CNTNAP2: variants seen among roughly 807,000 people sequenced by gnomAD.
CNTNAP2 encodes the protein contactin-associated protein-like 2.
A neutral mutation model predicts 155.2 loss-of-function variants in CNTNAP2; 98 were observed. The observed-to-expected ratio is 0.63, with a 90% confidence interval of 0.54 to 0.75. The LOEUF is 0.75. Ranked by LOEUF, CNTNAP2 falls within the 30% of genes least tolerant of loss-of-function variation. The pLI is 0.00. For synonymous variants in CNTNAP2, 651 were observed against 631.2 expected (o/e 1.03, Z -0.47); for missense variants, 1,727 against 1,688.1 (o/e 1.02, Z -0.40).
At chr7:147,893,918 C>T (rs1314543692) in intron 13 of CNTNAP2, among the ~76,000 whole-genome samples, 1 of 152,094 alleles carries the variant, frequency 6.6e-6, no homozygotes, top group Non-Finnish European at 1.5e-5. Flanking sequence ...GGAGGGGTTC[C>T]CATCAGGTTT....
chr7:146,506,492 A>C (rs1407168611), intron 1 of CNTNAP2, among the ~76,000 whole-genome samples: 1 of 152,044 alleles, frequency 6.6e-6, no homozygotes, highest in African/African-American at 2.4e-5. Context: ...GTAGGTGCTG[A>C]CTCCAACCAC....
At chr7:146,721,660 A>G (rs1801323174) in intron 1 of CNTNAP2, among the ~76,000 whole-genome samples, 1 of 106,064 alleles carries the variant, frequency 9.4e-6, no homozygotes, top group South Asian at 2.3e-4. Context: ...TATTCTATAT[A>G]CATTCTATAT....
chr7:147,155,346 A>G (rs993488835), intron 8 of CNTNAP2, among the ~76,000 whole-genome samples: 3 of 152,154 alleles, frequency 2.0e-5, no homozygotes, highest in Non-Finnish European at 4.4e-5. Flanking sequence ...AGAAATAAGT[A>G]TCTGTTGTTT....
intron 8 of CNTNAP2, among the ~76,000 whole-genome samples, chr7:147,232,670 T>C (rs189662001): frequency 6.6e-6 from 1 of 152,348 alleles, no homozygotes. Context: ...TTATCCAATG[T>C]AAAAAATTAA....
At chr7:148,081,424 G>A (rs1323376432) in intron 15 of CNTNAP2, among the ~76,000 whole-genome samples, 2 of 151,944 alleles carry the variant, frequency 1.3e-5, no homozygotes, top group African/African-American at 2.4e-5. Context: ...CCATCTAATC[G>A]GCTGCCAGCA....
At chr7:147,333,511 TTCTA>T (rs1401046626) in intron 9 of CNTNAP2, among the ~76,000 whole-genome samples, 2 of 152,174 alleles carry the variant, frequency 1.3e-5, no homozygotes, top group African/African-American at 2.4e-5. Flanking sequence ...TTAAACAACT[TTCTA>T]TAATAAAAGA....
chr7:148,262,679 A>G (rs949401977), intron 20 of CNTNAP2, among the ~76,000 whole-genome samples: 4 of 152,234 alleles, frequency 2.6e-5, no homozygotes, highest in African/African-American at 7.2e-5. Flanking sequence ...CAGGGAATCC[A>G]GGAGAATTCC....
At chr7:146,540,845 A>G (rs1797942422) in intron 1 of CNTNAP2, among the ~76,000 whole-genome samples, 2 of 152,098 alleles carry the variant, frequency 1.3e-5, no homozygotes, top group Admixed American at 6.6e-5. Flanking sequence ...TGTTGTCATT[A>G]CAGAATGCGT....
At chr7:148,408,850 A>G (rs1399635793) in intron 22 of CNTNAP2, among the ~76,000 whole-genome samples, 1 of 152,226 alleles carries the variant, frequency 6.6e-6, no homozygotes, top group Non-Finnish European at 1.5e-5. Flanking sequence ...AAAATTCACT[A>G]GGCAGTTAAT....
chr7:147,964,166 T>A (rs1217753382), intron 14 of CNTNAP2, among the ~76,000 whole-genome samples: 1 of 152,110 alleles, frequency 6.6e-6, no homozygotes, highest in Non-Finnish European at 1.5e-5. Context: ...AAAGGCCATA[T>A]GAGGACACGG....
chr7:147,109,320 G>C (rs1233898337), intron 5 of CNTNAP2, among the ~76,000 whole-genome samples: 2 of 152,094 alleles, frequency 1.3e-5, no homozygotes, highest in Non-Finnish European at 1.5e-5. Flanking sequence ...AGCCTAAGAA[G>C]AAAAGAGTAG....
chr7:146,285,093 C>T (rs960611144), intron 1 of CNTNAP2, among the ~76,000 whole-genome samples: 2 of 152,072 alleles, frequency 1.3e-5, no homozygotes, highest in Admixed American at 1.3e-4. Context: ...TAACTTGTTT[C>T]CCTGTAATAG....
intron 1 of CNTNAP2, among the ~76,000 whole-genome samples, chr7:146,622,275 CTATCTATA>C (rs1223460370): frequency 0.012 from 978 of 84,434 alleles, 11 homozygotes; most frequent in African/African-American, 0.059. Context: ...ATCTATCTAT[CTATCTATA>C]TATATATATG....
At chr7:147,527,267 C>T (rs767199569) in intron 11 of CNTNAP2, among the ~76,000 whole-genome samples, 4 of 151,936 alleles carry the variant, frequency 2.6e-5, no homozygotes, top group Non-Finnish European at 5.9e-5. Context: ...TTGTGATCCG[C>T]CCACCTCGGC....
chr7:147,715,319 C>T (rs1051053385), intron 13 of CNTNAP2, among the ~76,000 whole-genome samples: 2 of 152,090 alleles, frequency 1.3e-5, no homozygotes, highest in Admixed American at 1.3e-4. Flanking sequence ...AGTGATTCCG[C>T]TTATCCACAT....
At chr7:146,362,815 G>T (rs1422859972) in intron 1 of CNTNAP2, among the ~76,000 whole-genome samples, 1 of 131,410 alleles carries the variant, frequency 7.6e-6, no homozygotes, top group Non-Finnish European at 1.5e-5. Context: ...TCTGTTGCCA[G>T]ACTGGAGTGC....
chr7:147,899,372 C>A (rs1243794115), intron 13 of CNTNAP2, among the ~76,000 whole-genome samples: 1 of 151,960 alleles, frequency 6.6e-6, no homozygotes, highest in Non-Finnish European at 1.5e-5. Flanking sequence ...GTAGTCAAAT[C>A]ATAGAAACAA....
At chr7:146,336,816 G>A (rs7793173) in intron 1 of CNTNAP2, among the ~76,000 whole-genome samples, 3,082 of 152,268 alleles carry the variant, frequency 0.02, 123 homozygotes, top group African/African-American at 0.07. Context: ...CAACTTGGAT[G>A]GATCTCAAGG....
intron 18 of CNTNAP2, among the ~76,000 whole-genome samples, chr7:148,180,833 A>G (rs1795025299): frequency 6.6e-6 from 1 of 152,208 alleles, no homozygotes; most frequent in Non-Finnish European, 1.5e-5. Context: ...AGAAATCTGT[A>G]AAGCATTACT....
Sources: allele counts gnomAD v4.1 joint callset (sites outside exome capture counted in the v4.1 genomes callset), GRCh38; gene constraint gnomAD v4.1.1; transcripts MANE v1.5; gene names NCBI Gene and HGNC (gene_info 2026-07-23, HGNC 2026-07-21).